Variants in TOX3 observed in about 807,000 individuals in gnomAD.
TOX3 encodes the protein CAG trinucleotide repeat-containing gene F9 protein.
In TOX3, 22 loss-of-function variants were observed where a neutral mutation model predicts 64.3. The ratio of observed to expected loss-of-function variants is 0.34; its 90% CI spans 0.24 to 0.49. The LOEUF (loss-of-function observed/expected upper bound fraction) is 0.49. TOX3 is among the 20% of genes least tolerant of loss of function. The pLI, the probability that TOX3 is intolerant of heterozygous loss-of-function variation, is 0.99. For synonymous variants in TOX3, 291 were observed against 273.6 expected, an observed-to-expected ratio of 1.06 and a Z score of -0.63; for missense variants, 661 against 714.4, an observed-to-expected ratio of 0.93 and a Z score of 0.85.
intron 1 of TOX3, among the ~76,000 whole-genome samples, chr16:52,481,716 T>C (rs1454873107): frequency 6.6e-6 from 1 of 152,256 alleles, no homozygotes; most frequent in African/African-American, 2.4e-5. Context: ...AATGTTTTAC[T>C]GCATAGTGGC....
At chr16:52,534,000 G>A (rs1281019753) in intron 1 of TOX3, among the ~76,000 whole-genome samples, 1 of 152,132 alleles carries the variant, frequency 6.6e-6, no homozygotes, top group African/African-American at 2.4e-5. Flanking sequence ...GAGATCTAAG[G>A]CAGATAATAT....
At position 52,485,244 on chromosome 16, in the gene TOX3, GTGTATATA is replaced by G. The variant is rs753944414; in HGVS notation, c.88-16678_88-16671del. Among the ~76,000 whole-genome samples the G allele has an allele frequency of 3.8e-4, 36 of 95,318 alleles. 1 individual carries two copies. Among genetic ancestry groups the G allele is most frequent in the African/African-American group, 1.2e-3 (22 of 18,318 alleles). 62.5% of individuals were successfully genotyped at this position (95,318 alleles called of 152,430 possible). Reference sequence around the variant, plus strand: ...TACATGTGTGTGTGTGTATGTGTGTGTGTATATATATATATATATATATATATACATAT... The same window carrying G: ...TACATGTGTGTGTGTGTATGTGTGTGTATATATATATATATATATACATAT... On this transcript the variant is annotated intron_variant, in intron 1 of 6. Coordinates refer to ENST00000219746, the MANE Select transcript of TOX3 (RefSeq NM_001080430.4).
chr16:52,439,873 T>C lies in TOX3; in HGVS notation c.1083A>G (p.Pro361=), dbSNP rs768346918. ...NLTSSLLLNT[P]LSQHGTVSAS... is the part of the protein sequence containing the mutation. ...CTGACACTGTTCCATGTTGAGACAG[T>C]GGAGTGTTGAGAAGGAGAGAGGATG... The change falls in exon 7 of 7, where the codon CCA becomes CCG. Residue 361 remains proline (P), a synonymous_variant. Transcript: ENST00000219746. 1.2e-6 allele frequency: 2 copies of C among 1,613,748 alleles called. No homozygotes were observed. The highest frequency in any genetic ancestry group is 3.3e-5 in the Admixed American group (2 of 60,004).
At chr16:52,485,236 ATGTGTGTG>A (rs1280127633) in intron 1 of TOX3, among the ~76,000 whole-genome samples, 2 of 113,032 alleles carry the variant, frequency 1.8e-5, no homozygotes, top group African/African-American at 7.8e-5. Context: ...GTGTGTGTGT[ATGTGTGTG>A]TGTATATATA....
intron 1 of TOX3, among the ~76,000 whole-genome samples, chr16:52,542,173 T>C (rs544939040): frequency 7.2e-5 from 11 of 152,324 alleles, no homozygotes; most frequent in African/African-American, 2.2e-4. Flanking sequence ...GGTACCAACC[T>C]GAAGCCAACC....
chr16:52,473,108 A>C (rs1961096260), intron 1 of TOX3, among the ~76,000 whole-genome samples: 1 of 152,164 alleles, frequency 6.6e-6, no homozygotes, highest in East Asian at 1.9e-4. Flanking sequence ...GGCCTATTTG[A>C]CCATGTGAAG....
chr16:52,521,459 AG>A (rs931821026), intron 1 of TOX3, among the ~76,000 whole-genome samples: 2 of 152,068 alleles, frequency 1.3e-5, no homozygotes, highest in African/African-American at 4.8e-5. Flanking sequence ...AAAAAAAAAA[AG>A]TTCAGTGGTA....
At chr16:52,516,075 T>G (rs1962446608) in intron 1 of TOX3, among the ~76,000 whole-genome samples, 1 of 152,106 alleles carries the variant, frequency 6.6e-6, no homozygotes, top group Non-Finnish European at 1.5e-5. Context: ...ATTACAGAAC[T>G]GAAGGAATAT....
At chr16:52,534,884 G>C (rs1386791108) in intron 1 of TOX3, among the ~76,000 whole-genome samples, 18 of 152,124 alleles carry the variant, frequency 1.2e-4, no homozygotes, top group Admixed American at 1.2e-3. Flanking sequence ...ATTTTGAAAA[G>C]AAGAGAAATT....
In TOX3 at chr16:52,526,233, T is replaced by G. The variant is rs45556838; in HGVS notation, c.87+20404A>C. On this transcript the variant is annotated intron_variant, in intron 1 of 6. Coordinates refer to ENST00000219746, the MANE Select transcript of TOX3 (RefSeq NM_001080430.4). Reference sequence around the variant, plus strand: ...GAATGTCCAGCGAAAGCTTCAATAATCAGGGAGAAATGAGTTGCAGAAACT... The same window carrying G: ...GAATGTCCAGCGAAAGCTTCAATAAGCAGGGAGAAATGAGTTGCAGAAACT... 3.8e-3 allele frequency among the ~76,000 whole-genome samples: 579 copies of G among 152,254 alleles called. 4 individuals carry two copies. The highest frequency in any genetic ancestry group is 5.7e-3 in the Non-Finnish European group (388 of 68,008).
rs574940719 is a variant in TOX3, at chr16:52,543,672, A to C, written c.87+2965T>G. Among the ~76,000 whole-genome samples the C allele has an allele frequency of 1.6e-3, 240 of 152,298 alleles. 2 individuals carry two copies. The highest frequency in any genetic ancestry group is 0.014 in the South Asian group (67 of 4,830). The stretch of plus-strand genomic sequence containing the variant: ...GCCCTTAGGAAACAGTGATGACTTT[A>C]AGTTTATACATCAGTGGCTGGTTCA... On this transcript the variant is annotated intron_variant, in intron 1 of 6. Coordinates refer to ENST00000219746, the MANE Select transcript of TOX3 (RefSeq NM_001080430.4).
chr16:52,483,723 C>T (rs988449411), intron 1 of TOX3, among the ~76,000 whole-genome samples: 1 of 151,870 alleles, frequency 6.6e-6, no homozygotes, highest in African/African-American at 2.4e-5. Context: ...TGCCTGCCAC[C>T]ACACCCGGCT....
intron 1 of TOX3, among the ~76,000 whole-genome samples, chr16:52,495,658 T>G (rs1204743922): frequency 2.6e-5 from 4 of 152,188 alleles, no homozygotes; most frequent in Non-Finnish European, 5.9e-5. Flanking sequence ...CCAGATGGTA[T>G]GCTCTTAACT....
chr16:52,444,844 G>T (rs1263145583), intron 5 of TOX3: 1 of 152,330 alleles, frequency 6.6e-6, no homozygotes. Context: ...AGACAGAAGA[G>T]AAAAGAGCAA....
intron 1 of TOX3, among the ~76,000 whole-genome samples, chr16:52,501,441 G>A (rs1465211177): frequency 6.6e-6 from 1 of 152,174 alleles, no homozygotes. Flanking sequence ...GGAGGCTGAG[G>A]CGGGCGGATC....
intron 1 of TOX3, among the ~76,000 whole-genome samples, chr16:52,512,376 C>G (rs993832938): frequency 2.0e-5 from 3 of 152,186 alleles, no homozygotes; most frequent in Admixed American, 1.3e-4. Context: ...CCAAAATGCT[C>G]TATTACCCAG....
intron 1 of TOX3, among the ~76,000 whole-genome samples, chr16:52,522,933 C>T (rs551717732): frequency 2.0e-5 from 3 of 152,220 alleles, no homozygotes; most frequent in Non-Finnish European, 4.4e-5. Context: ...CTATAGCAGG[C>T]ACAGTCCTGG....
At chr16:52,476,481 T>C (rs1193350115) in intron 1 of TOX3, among the ~76,000 whole-genome samples, 1 of 152,168 alleles carries the variant, frequency 6.6e-6, no homozygotes, top group East Asian at 1.9e-4. Flanking sequence ...CTTTTTTGTT[T>C]TGTTTTGGGA....
chr16:52,526,116 C>T (rs1180228377), intron 1 of TOX3, among the ~76,000 whole-genome samples: 1 of 152,116 alleles, frequency 6.6e-6, no homozygotes, highest in Non-Finnish European at 1.5e-5. Flanking sequence ...TTAATTACCC[C>T]AGAACAATCT....
Sources: gnomAD v4.1 joint callset for allele counts (sites outside exome capture counted in the v4.1 genomes callset) on GRCh38, gnomAD v4.1.1 for gene constraint, MANE v1.5 for transcripts, NCBI Gene and HGNC (gene_info 2026-07-23, HGNC 2026-07-21) for gene names.